Variants in SETBP1 observed in about 807,000 individuals in gnomAD.
SETBP1 encodes the protein SET binding protein 1, also known as SET-binding protein.
Under a neutral mutation model 101.0 loss-of-function variants are expected in SETBP1, and 9 were observed. The observed-to-expected ratio is 0.09, with a 90% confidence interval of 0.05 to 0.16. SETBP1 has a LOEUF of 0.16. Among genes scored for constraint, SETBP1 ranks in the 10% least tolerant of loss-of-function variants. The pLI, the probability that SETBP1 is intolerant of heterozygous loss-of-function variation, is 1.00. For missense variants in SETBP1, 1,858 were observed against 2,033.8 expected (o/e 0.91, Z 1.66); for synonymous variants, 818 against 788.5 (o/e 1.04, Z -0.63).
intron 4 of SETBP1, among the ~76,000 whole-genome samples, chr18:44,981,392 G>A (rs562821847): frequency 2.6e-5 from 4 of 152,242 alleles, no homozygotes; most frequent in South Asian, 2.1e-4. Flanking sequence ...AGTCTTACAC[G>A]GAATCAATGC....
chr18:44,866,777 A>T (rs1424753522), intron 2 of SETBP1, among the ~76,000 whole-genome samples: 1 of 152,228 alleles, frequency 6.6e-6, no homozygotes, highest in Non-Finnish European at 1.5e-5. Context: ...TCTTATGCCC[A>T]GCTCAAGCTA....
At chr18:44,962,708 T>TA (rs2145156764) in intron 4 of SETBP1, among the ~76,000 whole-genome samples, 1 of 152,316 alleles carries the variant, frequency 6.6e-6, no homozygotes, top group East Asian at 1.9e-4. Flanking sequence ...TCTGTCCTGT[T>TA]ACAGAGAGAT....
At chr18:44,978,654 T>G (rs886536426) in intron 4 of SETBP1, among the ~76,000 whole-genome samples, 2 of 152,192 alleles carry the variant, frequency 1.3e-5, no homozygotes, top group African/African-American at 4.8e-5. Flanking sequence ...AATGGAAGCT[T>G]GCATTACTGT....
intron 2 of SETBP1, among the ~76,000 whole-genome samples, chr18:44,707,598 C>T (rs747347940): frequency 6.6e-5 from 10 of 152,252 alleles, no homozygotes; most frequent in African/African-American, 9.6e-5. Flanking sequence ...TCTTGTATTC[C>T]GTCCTGAGCA....
At chr18:44,937,552 T>C (rs1260045152) in intron 3 of SETBP1, among the ~76,000 whole-genome samples, 2 of 151,524 alleles carry the variant, frequency 1.3e-5, no homozygotes, top group African/African-American at 2.4e-5. Flanking sequence ...GTGAATGGTA[T>C]GTAGAGCTGA....
At chr18:45,034,214 G>A (rs2073351109) in intron 4 of SETBP1, among the ~76,000 whole-genome samples, 1 of 152,148 alleles carries the variant, frequency 6.6e-6, no homozygotes, top group Non-Finnish European at 1.5e-5. Context: ...TGAAGCTATT[G>A]ACTTACCCTT....
intron 3 of SETBP1, among the ~76,000 whole-genome samples, chr18:44,882,852 A>G (rs2069561897): frequency 6.6e-6 from 1 of 152,088 alleles, no homozygotes; most frequent in African/African-American, 2.4e-5. Flanking sequence ...TGTTTTCCCT[A>G]AAAAGAGGTA....
intron 2 of SETBP1, among the ~76,000 whole-genome samples, chr18:44,726,576 A>G (rs1454488210): frequency 2.0e-5 from 3 of 152,202 alleles, no homozygotes; most frequent in Non-Finnish European, 4.4e-5. Context: ...TTCAAAGTTC[A>G]TATTCTTAAA....
chr18:44,833,105 T>TA (rs1199662940), intron 2 of SETBP1, among the ~76,000 whole-genome samples: 2 of 152,192 alleles, frequency 1.3e-5, no homozygotes, highest in East Asian at 3.9e-4. Flanking sequence ...AGGCTGGGCA[T>TA]GACGTAAGCC....
intron 3 of SETBP1, among the ~76,000 whole-genome samples, chr18:44,885,202 C>T (rs1187667383): frequency 6.6e-6 from 1 of 152,076 alleles, no homozygotes; most frequent in Non-Finnish European, 1.5e-5. Flanking sequence ...TCTCAGTTTT[C>T]TTATCTGTGA....
At chr18:44,895,378 G>T (rs2069877228) in intron 3 of SETBP1, among the ~76,000 whole-genome samples, 1 of 151,962 alleles carries the variant, frequency 6.6e-6, no homozygotes, top group East Asian at 1.9e-4. Context: ...AAATACTCAA[G>T]TTATTGAGAA....
chr18:44,941,393 C>G (rs2071085847), intron 3 of SETBP1, among the ~76,000 whole-genome samples: 1 of 152,008 alleles, frequency 6.6e-6, no homozygotes, highest in Non-Finnish European at 1.5e-5. Context: ...TTTTGCACCC[C>G]TATAAATAAT....
intron 4 of SETBP1, among the ~76,000 whole-genome samples, chr18:45,034,013 A>G (rs2073347375): frequency 6.6e-6 from 1 of 152,196 alleles, no homozygotes; most frequent in Non-Finnish European, 1.5e-5. Context: ...TAAACCATGG[A>G]ACAACATACA....
At chr18:44,787,385 C>T (rs189893733) in intron 2 of SETBP1, among the ~76,000 whole-genome samples, 1 of 152,284 alleles carries the variant, frequency 6.6e-6, no homozygotes, top group East Asian at 1.9e-4. Flanking sequence ...GGAACTGAGG[C>T]AGGCTCCAGG....
chr18:44,925,108 T>TG (rs1389048061), intron 3 of SETBP1, among the ~76,000 whole-genome samples: 5 of 151,732 alleles, frequency 3.3e-5, no homozygotes, highest in Non-Finnish European at 5.9e-5. Flanking sequence ...CCTGGATTTT[T>TG]TTTTTTTTTT....
In SETBP1 at chr18:44,779,188, G is replaced by A. The variant is rs1185277500; in HGVS notation, c.486+77356G>A. Among the ~76,000 whole-genome samples, 5 of 152,152 alleles carry A rather than the reference G, an allele frequency of 3.3e-5. No individual in the cohort carries two copies. The South Asian group carries it at 6.2e-4, about 19-fold the overall frequency. ...GAGGCTGGGTTTCCAGATATCCACC[G>A]GGAGAAAATCACAGCCTTGTCAGAG... is the stretch of plus-strand genomic sequence containing the variant. On this transcript the variant is annotated intron_variant, in intron 2 of 5. Transcript: ENST00000649279.
At chr18:44,903,121 G>A (rs369495246) in intron 3 of SETBP1, among the ~76,000 whole-genome samples, 7 of 151,890 alleles carry the variant, frequency 4.6e-5, no homozygotes, top group South Asian at 2.1e-4. Flanking sequence ...ACTTAACCAC[G>A]TCACCATTTT....
intron 4 of SETBP1, among the ~76,000 whole-genome samples, chr18:44,967,582 T>C (rs1044564343): frequency 1.7e-4 from 26 of 152,292 alleles, no homozygotes; most frequent in Non-Finnish European, 2.9e-4. Context: ...TCAGGTGTGG[T>C]CAGGGTTGTG....
intron 2 of SETBP1, among the ~76,000 whole-genome samples, chr18:44,837,449 A>G (rs2072522042): frequency 6.6e-6 from 1 of 152,256 alleles, no homozygotes. Flanking sequence ...ATTAAAATAA[A>G]TTTAATGAAA....
Sources: allele counts gnomAD v4.1 joint callset (sites outside exome capture counted in the v4.1 genomes callset), GRCh38; gene constraint gnomAD v4.1.1; transcripts MANE v1.5; gene names NCBI Gene and HGNC (gene_info 2026-07-23, HGNC 2026-07-21).